The following PCDHA3 variants were observed in gnomAD, a reference collection of about 807,000 sequenced individuals.
PCDHA3 encodes the protein protocadherin alpha-3.
In PCDHA3, 41 loss-of-function variants were observed where a neutral mutation model predicts 62.2. The observed-to-expected ratio is 0.66, with a 90% CI of 0.51 to 0.86. PCDHA3 has a LOEUF of 0.86. Ranked by LOEUF, PCDHA3 falls within the 40% of genes least tolerant of loss-of-function variation. The probability of loss-of-function intolerance (pLI) is 0.00; values close to 1 mark genes in which losing one functional copy is unlikely to be tolerated. For synonymous variants in PCDHA3, 640 were observed against 555.4 expected (o/e 1.15, Z -2.14); for missense variants, 1,304 against 1,241.2 (o/e 1.05, Z -0.76).
intron 1 of PCDHA3, chr5:140,851,766 T>G: frequency 2.1e-6 from 2 of 968,988 alleles, no homozygotes; most frequent in Non-Finnish European, 2.5e-6. Flanking sequence ...AACATTACCC[T>G]TATGAATTTA....
At chr5:140,927,668 A>T in intron 1 of PCDHA3, 1 of 1,614,208 alleles carries the variant, frequency 6.2e-7, no homozygotes, top group Non-Finnish European at 8.5e-7. Flanking sequence ...CAAGCCTTGG[A>T]TCCAGATGAA....
chr5:140,927,705 C>T (rs2084535217), intron 1 of PCDHA3: 1 of 1,614,100 alleles, frequency 6.2e-7, no homozygotes, highest in African/African-American at 1.3e-5. Flanking sequence ...TCCAGTACTC[C>T]CTAAGCAACA....
intron 1 of PCDHA3, among the ~76,000 whole-genome samples, chr5:140,925,189 C>T (rs1488098385): frequency 1.3e-5 from 2 of 152,116 alleles, no homozygotes; most frequent in Non-Finnish European, 1.5e-5. Context: ...TACCATCACC[C>T]AGCTTCAATA....
intron 1 of PCDHA3, among the ~76,000 whole-genome samples, chr5:140,906,668 C>G (rs1554192641): frequency 1.3e-5 from 2 of 152,152 alleles, no homozygotes; most frequent in African/African-American, 4.8e-5. Flanking sequence ...TGTAGTGACC[C>G]AAACCTTCAT....
At chr5:140,927,195 C>T in intron 1 of PCDHA3, 1 of 1,614,118 alleles carries the variant, frequency 6.2e-7, no homozygotes, top group Non-Finnish European at 8.5e-7. Flanking sequence ...ACCTGGTGCT[C>T]GAGGACCCGC....
chr5:140,948,573 G>A (rs892818051), intron 1 of PCDHA3, among the ~76,000 whole-genome samples: 1 of 151,448 alleles, frequency 6.6e-6, no homozygotes, highest in Non-Finnish European at 1.5e-5. Flanking sequence ...ATTTTTTAAA[G>A]GATTTGTCAG....
At chr5:141,000,939 A>G (rs551872377) in intron 3 of PCDHA3, among the ~76,000 whole-genome samples, 2 of 152,294 alleles carry the variant, frequency 1.3e-5, no homozygotes, top group East Asian at 3.9e-4. Context: ...ATTTAGGACA[A>G]ATTATCTTGC....
intron 2 of PCDHA3, among the ~76,000 whole-genome samples, chr5:140,981,575 A>G (rs2096938835): frequency 1.3e-5 from 2 of 152,152 alleles, no homozygotes; most frequent in African/African-American, 4.8e-5. Flanking sequence ...CTTTGTCTCA[A>G]AAATAAATAA....
chr5:140,946,634 A>ATATATATAT (rs1554217761), intron 1 of PCDHA3, among the ~76,000 whole-genome samples: 5 of 147,332 alleles, frequency 3.4e-5, no homozygotes, highest in African/African-American at 7.7e-5. Flanking sequence ...ATATATATAC[A>ATATATATAT]ATGGAATACT....
At chr5:140,918,789 G>A (rs1453306973) in intron 1 of PCDHA3, among the ~76,000 whole-genome samples, 7 of 142,426 alleles carry the variant, frequency 4.9e-5, no homozygotes, top group African/African-American at 1.9e-4. Flanking sequence ...TGAGGACACA[G>A]CAAAAATGTG....
chr5:140,837,916 C>T (rs191330965), intron 1 of PCDHA3, among the ~76,000 whole-genome samples: 6 of 151,766 alleles, frequency 4.0e-5, no homozygotes, highest in South Asian at 4.2e-4. Context: ...TGGCTTCAAG[C>T]GATCCTCCTA....
At chr5:140,853,040 G>C in intron 1 of PCDHA3, 2 of 265,518 alleles carry the variant, frequency 7.5e-6, no homozygotes, top group Non-Finnish European at 1.2e-5. Context: ...CACCATGCCC[G>C]CCTAATTTTT....
At position 140,993,767 on chromosome 5, in the gene PCDHA3, G is replaced by C. The variant is rs115607244; in HGVS notation, c.2542+11204G>C. ...ATACTTGCCATTATATTACAATTGC[G>C]CAGTATTTTGTACAGTAACATGCTG... On this transcript the variant is annotated intron_variant, in intron 3 of 3. Transcript: ENST00000522353. Among the ~76,000 whole-genome samples, 826 of 152,124 alleles carry C rather than the reference G, an allele frequency of 5.4e-3. 11 individuals are homozygous for C. Among genetic ancestry groups the C allele is most frequent in the African/African-American group, 0.018 (749 of 41,482 alleles).
chr5:140,996,453 C>A (rs1289648745), intron 3 of PCDHA3, among the ~76,000 whole-genome samples: 2 of 152,160 alleles, frequency 1.3e-5, no homozygotes, highest in African/African-American at 4.8e-5. Flanking sequence ...AGTTGTGGTG[C>A]TAAGGGAGGA....
intron 1 of PCDHA3, among the ~76,000 whole-genome samples, chr5:140,922,354 A>G (rs1208856231): frequency 6.6e-6 from 1 of 152,220 alleles, no homozygotes; most frequent in Non-Finnish European, 1.5e-5. Flanking sequence ...TTTCTAGAGT[A>G]GTGATTCTCA....
chr5:140,931,649 G>A (rs2087653878), intron 1 of PCDHA3, among the ~76,000 whole-genome samples: 1 of 151,904 alleles, frequency 6.6e-6, no homozygotes, highest in African/African-American at 2.4e-5. Context: ...GCTAATAATT[G>A]TTGTGGGCTG....
At chr5:140,923,071 C>T (rs1319984584) in intron 1 of PCDHA3, among the ~76,000 whole-genome samples, 2 of 152,202 alleles carry the variant, frequency 1.3e-5, no homozygotes, top group Non-Finnish European at 2.9e-5. Context: ...TAGGTCTCCT[C>T]ATGTCAGCAC....
chr5:140,998,005 C>T (rs539275150), intron 3 of PCDHA3, among the ~76,000 whole-genome samples: 300 of 152,282 alleles, frequency 2.0e-3, no homozygotes, highest in Non-Finnish European at 3.8e-3. Context: ...TCTGAGCCTT[C>T]CATCCCCACC....
At chr5:140,876,424 A>G in intron 1 of PCDHA3, 1 of 1,613,970 alleles carries the variant, frequency 6.2e-7, no homozygotes. Context: ...TGCCTATGAA[A>G]TTCAGGTTAA....
Sources: allele counts gnomAD v4.1 joint callset (sites outside exome capture counted in the v4.1 genomes callset), GRCh38; gene constraint gnomAD v4.1.1; transcripts MANE v1.5; gene names NCBI Gene and HGNC (gene_info 2026-07-23, HGNC 2026-07-21).